NSMCE2: variants seen among roughly 807,000 people sequenced by gnomAD.
NSMCE2 encodes E3 SUMO-protein ligase NSE2.
A neutral mutation model predicts 23.8 loss-of-function variants in NSMCE2; 24 were observed. That is an observed-to-expected ratio of 1.01 (90% CI 0.73 to 1.42). NSMCE2 has a LOEUF of 1.42. Among genes scored for constraint, NSMCE2 ranks in the 40% most tolerant of loss-of-function variants. The probability of loss-of-function intolerance (pLI) is 0.00; values close to 1 mark genes in which losing one functional copy is unlikely to be tolerated. For synonymous variants in NSMCE2, 92 were observed against 94.1 expected (o/e 0.98, Z 0.13); for missense variants, 284 against 296.5 (o/e 0.96, Z 0.31).
intron 4 of NSMCE2, among the ~76,000 whole-genome samples, chr8:125,174,859 G>C (rs941038189): frequency 7.2e-5 from 11 of 152,160 alleles, no homozygotes; most frequent in Non-Finnish European, 1.6e-4. Flanking sequence ...CTAAATAATG[G>C]CACTAGGAAA....
At chr8:125,334,109 T>C (rs1252862818) in intron 5 of NSMCE2, among the ~76,000 whole-genome samples, 1 of 152,148 alleles carries the variant, frequency 6.6e-6, no homozygotes, top group Admixed American at 6.5e-5. Context: ...TAAAGGGCCA[T>C]TGTGAGGTTA....
chr8:125,146,603 G>A (rs1028470869), intron 3 of NSMCE2, among the ~76,000 whole-genome samples: 5 of 152,130 alleles, frequency 3.3e-5, no homozygotes, highest in Non-Finnish European at 5.9e-5. Flanking sequence ...GTAGGGACAT[G>A]GATGAAGCTG....
chr8:125,274,337 A>G (rs896733711), intron 5 of NSMCE2, among the ~76,000 whole-genome samples: 5 of 152,166 alleles, frequency 3.3e-5, no homozygotes, highest in African/African-American at 4.8e-5. Context: ...AATCCAATCA[A>G]TGTTCCTTGT....
intron 3 of NSMCE2, among the ~76,000 whole-genome samples, chr8:125,141,053 A>G (rs552478802): frequency 3.9e-5 from 6 of 152,298 alleles, no homozygotes; most frequent in East Asian, 1.9e-4. Flanking sequence ...CTGAGTTTCC[A>G]TAGTGTTTTT....
intron 5 of NSMCE2, among the ~76,000 whole-genome samples, chr8:125,187,960 G>T (rs968105358): frequency 9.2e-5 from 14 of 152,260 alleles, no homozygotes; most frequent in Admixed American, 3.9e-4. Flanking sequence ...GTTACATATA[G>T]AATATATGGT....
At chr8:125,281,046 T>C (rs1014747713) in intron 5 of NSMCE2, among the ~76,000 whole-genome samples, 1 of 152,212 alleles carries the variant, frequency 6.6e-6, no homozygotes, top group African/African-American at 2.4e-5. Context: ...AATGCAGATG[T>C]CACCTTTTCT....
chr8:125,127,709 G>T (rs1165921055), intron 3 of NSMCE2, among the ~76,000 whole-genome samples: 1 of 152,208 alleles, frequency 6.6e-6, no homozygotes, highest in East Asian at 1.9e-4. Flanking sequence ...TGGAGTCTTG[G>T]CTGAAACTTA....
intron 5 of NSMCE2, among the ~76,000 whole-genome samples, chr8:125,312,861 A>G (rs567553887): frequency 6.6e-6 from 1 of 152,232 alleles, no homozygotes. Flanking sequence ...GTCATTAGAA[A>G]AAGCCTCTCT....
intron 5 of NSMCE2, among the ~76,000 whole-genome samples, chr8:125,193,212 T>C (rs922937928): frequency 2.0e-5 from 3 of 152,174 alleles, no homozygotes; most frequent in Non-Finnish European, 4.4e-5. Flanking sequence ...TTATGTAAAG[T>C]AGACTTCATC....
At chr8:125,174,967 T>A (rs1028784058) in intron 4 of NSMCE2, among the ~76,000 whole-genome samples, 2 of 152,198 alleles carry the variant, frequency 1.3e-5, no homozygotes, top group Non-Finnish European at 2.9e-5. Flanking sequence ...TAATCCATGC[T>A]GGTCATCATT....
At chr8:125,244,957 A>C (rs1015903220) in intron 5 of NSMCE2, among the ~76,000 whole-genome samples, 1 of 152,182 alleles carries the variant, frequency 6.6e-6, no homozygotes, top group Admixed American at 6.6e-5. Context: ...TAAGATTTAT[A>C]CTGGCCACAA....
chr8:125,127,402 A>G (rs1228509800), intron 3 of NSMCE2, among the ~76,000 whole-genome samples: 2 of 152,154 alleles, frequency 1.3e-5, no homozygotes, highest in Non-Finnish European at 2.9e-5. Context: ...AATGATGTTT[A>G]TGATATGGTT....
chr8:125,212,367 T>C (rs147536498), intron 5 of NSMCE2, among the ~76,000 whole-genome samples: 1 of 152,130 alleles, frequency 6.6e-6, no homozygotes, highest in Non-Finnish European at 1.5e-5. Context: ...TCTGGGGTAA[T>C]AGGGGAAGCT....
intron 5 of NSMCE2, among the ~76,000 whole-genome samples, chr8:125,271,305 A>AG (rs1827180502): frequency 6.6e-6 from 1 of 151,648 alleles, no homozygotes; most frequent in African/African-American, 2.4e-5. Context: ...GTAAGTAGTG[A>AG]GGGGGGTCTA....
chr8:125,328,854 T>TAGTC (rs1829772791), intron 5 of NSMCE2, among the ~76,000 whole-genome samples: 1 of 151,774 alleles, frequency 6.6e-6, no homozygotes, highest in Non-Finnish European at 1.5e-5. Flanking sequence ...CCAAGGTCAT[T>TAGTC]AGTCCCAACC....
At chr8:125,096,634 CTTTT>C (rs34656029) in intron 1 of NSMCE2, among the ~76,000 whole-genome samples, 3 of 80,436 alleles carry the variant, frequency 3.7e-5, no homozygotes, top group African/African-American at 5.2e-5. Context: ...GTGTGGAATC[CTTTT>C]TTTTTTTTTT....
chr8:125,330,878 T>G (rs1179330891), intron 5 of NSMCE2, among the ~76,000 whole-genome samples: 1 of 152,162 alleles, frequency 6.6e-6, no homozygotes. Context: ...ACAGCTCCTT[T>G]CAGTTTTAAT....
chr8:125,349,141 G>T (rs1472557394), intron 5 of NSMCE2, among the ~76,000 whole-genome samples: 1 of 151,964 alleles, frequency 6.6e-6, no homozygotes, highest in East Asian at 1.9e-4. Context: ...AAGTATCTGA[G>T]TCCACAGGTG....
At chr8:125,301,671 T>C (rs1302197044) in intron 5 of NSMCE2, among the ~76,000 whole-genome samples, 1 of 145,580 alleles carries the variant, frequency 6.9e-6, no homozygotes, top group African/African-American at 2.6e-5. Context: ...TTTTTTTTTT[T>C]TGAGACAGAG....
Sources: gnomAD v4.1 joint callset for allele counts (sites outside exome capture counted in the v4.1 genomes callset) on GRCh38, gnomAD v4.1.1 for gene constraint, MANE v1.5 for transcripts, NCBI Gene and HGNC (gene_info 2026-07-23, HGNC 2026-07-21) for gene names.